Variants in JAKMIP3 observed in about 807,000 individuals in gnomAD.
The protein encoded by JAKMIP3 is Janus kinase and microtubule interacting protein 3, also known as janus kinase and microtubule-interacting protein 3.
Under a neutral mutation model 118.5 loss-of-function variants are expected in JAKMIP3, and 58 were observed. That is an observed-to-expected ratio of 0.49 (90% CI 0.40 to 0.61). The LOEUF (loss-of-function observed/expected upper bound fraction) is 0.61. Ranked by LOEUF, JAKMIP3 falls within the 20% of genes least tolerant of loss-of-function variation. JAKMIP3 has a pLI of 0.00. For synonymous variants in JAKMIP3, 486 were observed against 451.2 expected, an observed-to-expected ratio of 1.08 and a Z score of -0.98; for missense variants, 950 against 1,109.0, an observed-to-expected ratio of 0.86 and a Z score of 2.04.
chr10:132,180,664 TGCGTGTGTGTGCGC>T (rs1565020127), intron 23 of JAKMIP3, among the ~76,000 whole-genome samples: 4 of 31,662 alleles, frequency 1.3e-4, no homozygotes, highest in Non-Finnish European at 1.7e-4. Flanking sequence ...TGTGCGTGTG[TGCGTGTGTGTGCGC>T]GCGCGTGTGT....
At position 132,137,325 on chromosome 10, in the gene JAKMIP3, G is replaced by A. The variant is rs749777650; in HGVS notation, c.1284+36G>A. The A allele has an allele frequency of 1.2e-5, 20 of 1,612,644 alleles. No individual in the cohort carries two copies. The African/African-American group carries it at 1.6e-4, about 13-fold the overall frequency. Reference sequence around the variant, plus strand: ...TCAGCGCCCGCTTCCCCACGCCTCCGCTCCCCACGCAGTTGCCCGTGGGAC... The same window carrying A: ...TCAGCGCCCGCTTCCCCACGCCTCCACTCCCCACGCAGTTGCCCGTGGGAC... On this transcript the variant is annotated intron_variant, in intron 8 of 23. Transcript: ENST00000684848.
At chr10:132,140,916 G>A (rs988490059) in intron 10 of JAKMIP3, among the ~76,000 whole-genome samples, 1 of 152,234 alleles carries the variant, frequency 6.6e-6, no homozygotes, top group South Asian at 2.1e-4. Context: ...TTCCTAAGGG[G>A]CCTCCCCAGG....
intron 9 of JAKMIP3, among the ~76,000 whole-genome samples, chr10:132,138,664 A>G (rs1175112926): frequency 6.6e-6 from 1 of 152,240 alleles, no homozygotes; most frequent in Non-Finnish European, 1.5e-5. Context: ...AGAAGATAGG[A>G]ATTGGTAACA....
chr10:132,152,753 C>T (rs1243523866), intron 16 of JAKMIP3, among the ~76,000 whole-genome samples: 5 of 152,162 alleles, frequency 3.3e-5, no homozygotes, highest in East Asian at 3.9e-4. Flanking sequence ...AAAACAAAAT[C>T]GGCAGCACCC....
chr10:132,111,672 A>G (rs1423758932), intron 2 of JAKMIP3, among the ~76,000 whole-genome samples: 1 of 152,094 alleles, frequency 6.6e-6, no homozygotes, highest in African/African-American at 2.4e-5. Context: ...GCATCCCACC[A>G]TGGCGAGGCA....
chr10:132,093,579 C>T (rs542947214), intron 1 of JAKMIP3, among the ~76,000 whole-genome samples: 7 of 152,322 alleles, frequency 4.6e-5, no homozygotes, highest in South Asian at 4.1e-4. Flanking sequence ...TTGCTAAGAC[C>T]GTTGGAAGAG....
At chr10:132,088,589 T>G (rs1260000053) in intron 1 of JAKMIP3, among the ~76,000 whole-genome samples, 1 of 152,246 alleles carries the variant, frequency 6.6e-6, no homozygotes, top group East Asian at 1.9e-4. Flanking sequence ...TTGAGTTCTT[T>G]GTAGATTCTG....
chr10:132,157,638 C>G (rs1448421485), intron 19 of JAKMIP3, among the ~76,000 whole-genome samples: 1 of 152,214 alleles, frequency 6.6e-6, no homozygotes, highest in East Asian at 1.9e-4. Context: ...AGGCATGTCT[C>G]TGGTGAGCTC....
At chr10:132,151,556 C>T (rs1564969260) in intron 16 of JAKMIP3, among the ~76,000 whole-genome samples, 1 of 152,234 alleles carries the variant, frequency 6.6e-6, no homozygotes, top group Non-Finnish European at 1.5e-5. Flanking sequence ...CTCTGGGGTC[C>T]AGTCCTGGGT....
intron 6 of JAKMIP3, among the ~76,000 whole-genome samples, chr10:132,136,493 C>T (rs2051806077): frequency 6.6e-6 from 1 of 152,062 alleles, no homozygotes; most frequent in East Asian, 1.9e-4. Context: ...CCGCCAAGGC[C>T]ATGAGCCAGG....
chr10:132,159,594 G>GT (rs1291708867), intron 19 of JAKMIP3, among the ~76,000 whole-genome samples: 4 of 104,250 alleles, frequency 3.8e-5, no homozygotes, highest in Non-Finnish European at 2.0e-5. Flanking sequence ...GATGCTGGGG[G>GT]CATGTCTTCC....
At chr10:132,167,252 C>T (rs879772314) in intron 22 of JAKMIP3, among the ~76,000 whole-genome samples, 197 bp downstream of exon 22, 37 of 152,174 alleles carry the variant, frequency 2.4e-4, no homozygotes, top group Non-Finnish European at 3.5e-4. Context: ...GGTCAGGACC[C>T]GGAGTCTTCC....
chr10:132,102,634 G>C (rs1361505826), intron 1 of JAKMIP3, among the ~76,000 whole-genome samples: 3 of 152,222 alleles, frequency 2.0e-5, no homozygotes, highest in African/African-American at 7.2e-5. Flanking sequence ...CGCCTCCCAG[G>C]TGACGGGTCA....
intron 17 of JAKMIP3, among the ~76,000 whole-genome samples, chr10:132,153,294 A>C (rs1175147528): frequency 1.3e-5 from 2 of 152,208 alleles, no homozygotes; most frequent in African/African-American, 4.8e-5. Context: ...GTGAGTCTGC[A>C]GGCAGCGTTC....
upstream of JAKMIP3, among the ~76,000 whole-genome samples, chr10:132,061,914 C>T (rs2038408928): frequency 6.6e-6 from 1 of 152,196 alleles, no homozygotes; most frequent in African/African-American, 2.4e-5. Context: ...CTAGCTGAGG[C>T]TTCGCCAACA....
chr10:132,038,516 G>T (rs1564846615), intron 1 of JAKMIP3, among the ~76,000 whole-genome samples: 1 of 152,180 alleles, frequency 6.6e-6, no homozygotes, highest in Admixed American at 6.5e-5. Flanking sequence ...GTCAACCATG[G>T]CCAGGTGTGG....
At chr10:132,090,940 A>G (rs946375354) in intron 1 of JAKMIP3, among the ~76,000 whole-genome samples, 5 of 152,112 alleles carry the variant, frequency 3.3e-5, no homozygotes, top group African/African-American at 1.2e-4. Flanking sequence ...CCCTCTACAC[A>G]CTGCTTTAAA....
At chr10:132,166,071 T>A (rs2058868061) in intron 21 of JAKMIP3, among the ~76,000 whole-genome samples, 1 of 152,316 alleles carries the variant, frequency 6.6e-6, no homozygotes. Flanking sequence ...TGCCTGTAAT[T>A]CCAGTACTTT....
intron 3 of JAKMIP3, among the ~76,000 whole-genome samples, chr10:132,121,102 A>C (rs558901710): frequency 2.6e-4 from 39 of 152,278 alleles, no homozygotes; most frequent in Admixed American, 2.5e-3. Context: ...GGGGGCAGTC[A>C]GAGAAGAGGC....
Sources: allele counts gnomAD v4.1 joint callset (sites outside exome capture counted in the v4.1 genomes callset), GRCh38; gene constraint gnomAD v4.1.1; transcripts MANE v1.5; gene names NCBI Gene and HGNC (gene_info 2026-07-23, HGNC 2026-07-21).